ATG16L1: variants seen among roughly 807,000 people sequenced by gnomAD.
ATG16L1 encodes the protein autophagy-related protein 16-1.
Under a neutral mutation model 88.5 loss-of-function variants are expected in ATG16L1, and 37 were observed. The ratio of observed to expected loss-of-function variants is 0.42; its 90% CI spans 0.32 to 0.55. The LOEUF (loss-of-function observed/expected upper bound fraction) is 0.55. Among genes scored for constraint, ATG16L1 ranks in the 20% least tolerant of loss-of-function variants. ATG16L1 has a pLI of 0.13. For missense variants in ATG16L1, 554 were observed against 752.8 expected (o/e 0.74, Z 3.09); for synonymous variants, 301 against 281.0 (o/e 1.07, Z -0.71).
chr2:233,277,534 T>C (rs767291331), intron 9 of ATG16L1, 34 bp from the exon 10 acceptor site: 165 of 1,594,190 alleles, frequency 1.0e-4, no homozygotes, highest in Non-Finnish European at 1.4e-4. Context: ...GGGATGAGAA[T>C]GACTGGGTTT....
chr2:233,282,500 T>C (rs58148686), intron 11 of ATG16L1, among the ~76,000 whole-genome samples, 182 bp from the exon 12 acceptor site: 4,073 of 152,086 alleles, frequency 0.027, 188 homozygotes, highest in African/African-American at 0.092. Flanking sequence ...AAAAAAAAGG[T>C]CTGAACTCGA....
At chr2:233,290,435 C>A in intron 14 of ATG16L1, 82 bp downstream of exon 14, 2 of 1,123,238 alleles carry the variant, frequency 1.8e-6, no homozygotes, top group South Asian at 1.3e-5. Context: ...CTTTTAAGAT[C>A]TCAGGACATG....
intron 10 of ATG16L1, 58 bp downstream of exon 10, chr2:233,277,731 G>A (rs1279507685): frequency 2.1e-6 from 3 of 1,454,308 alleles, no homozygotes; most frequent in Middle Eastern, 2.0e-4. Flanking sequence ...CCCTTGCACT[G>A]CAGAAAGAAG....
chr2:233,277,474 T>C, intron 9 of ATG16L1, 94 bp from the exon 10 acceptor site: 1 of 1,130,422 alleles, frequency 8.8e-7, no homozygotes, highest in Non-Finnish European at 1.3e-6. Flanking sequence ...TAAGGATGAG[T>C]GTTTCCCCAT....
chr2:233,262,931 T>C (rs1237336545), intron 2 of ATG16L1, among the ~76,000 whole-genome samples, 199 bp from the exon 3 acceptor site: 1 of 152,194 alleles, frequency 6.6e-6, no homozygotes, highest in East Asian at 1.9e-4. Flanking sequence ...CTTTGCTTTT[T>C]TCCATGTGTT....
rs368954047 is a variant in ATG16L1, at chr2:233,254,449, C to T, written c.116-1653C>T. On this transcript the variant is annotated intron_variant, in intron 1 of 17. Coordinates refer to ENST00000392017, the MANE Select transcript of ATG16L1 (RefSeq NM_030803.7). ...CTTCCCAGGCCAGTCAAGCTCTGAC[C>T]CTCCATCAGCCTGGAGTCTATTCTC... Among the ~76,000 whole-genome samples the T allele has an allele frequency of 5.2e-4, 79 of 152,294 alleles. 2 individuals are homozygous for T. In the South Asian group the frequency reaches 0.016, roughly 30 times the overall value.
At position 233,290,287 on chromosome 2, in the gene ATG16L1, T is replaced by C; in HGVS notation, c.1364T>C (p.Ile455Thr). The C allele has an allele frequency of 6.8e-6, 11 of 1,614,204 alleles. No homozygotes were observed. The highest frequency in any genetic ancestry group is 9.3e-6 in the Non-Finnish European group (11 of 1,180,030). The change falls in exon 14 of 18, where the codon ATT (isoleucine) becomes ACT (threonine). Residue 455 changes from isoleucine (I) to threonine (T), a missense_variant. By Grantham distance (89) the Ile-to-Thr change is moderately conservative. This residue lies in a region of ATG16L1 where 370 missense variants were observed against 509.7 expected (regional missense o/e 0.73). Transcript: ENST00000392017. ...TVFAGSSCND[I>T]VCTEQCVMSG... ...TTTGCAGGATCCAGTTGCAATGATATTGTCTGCACAGAGCAATGTGTAATG... is the reference window on the plus strand; with the variant it reads ...TTTGCAGGATCCAGTTGCAATGATACTGTCTGCACAGAGCAATGTGTAATG...
chr2:233,282,530 G>A, intron 11 of ATG16L1, 152 bp from the exon 12 acceptor site: 1 of 656,824 alleles, frequency 1.5e-6, no homozygotes, highest in Non-Finnish European at 2.7e-6. Context: ...GCGAGTTGAA[G>A]CACACTCACG....
Position 233,289,840 on chromosome 2 carries a change from G to A in ATG16L1, c.1204-14G>A, listed in dbSNP as rs916945154. Reference sequence around the variant, plus strand: ...GCGCCCTGAGGCTCACCCTGGCTGTGTTCTCTCTCCTAGCACACACTCACG... The same window carrying A: ...GCGCCCTGAGGCTCACCCTGGCTGTATTCTCTCTCCTAGCACACACTCACG... On this transcript the variant is annotated splice_polypyrimidine_tract_variant and intron_variant, in intron 12 of 17. Coordinates refer to ENST00000392017, the MANE Select transcript of ATG16L1 (RefSeq NM_030803.7). 3 of 1,611,330 alleles carry A rather than the reference G, an allele frequency of 1.9e-6. No homozygotes were observed. The highest frequency in any genetic ancestry group is 2.7e-5 in the African/African-American group (2 of 74,886).
rs111819481 is a variant in ATG16L1 at position 233,274,510 on chromosome 2, T to A, written c.852-166T>A. On this transcript the variant is annotated intron_variant, in intron 8 of 17. Coordinates refer to ENST00000392017, the MANE Select transcript of ATG16L1 (RefSeq NM_030803.7). ...TCTTTCTCATTTGAGTGAGGGTGCT[T>A]TTGATTTTTTTGTGAATTGTTCTGT... 629 of 531,694 alleles carry A rather than the reference T, an allele frequency of 1.2e-3. 1 individual carries two copies. The highest frequency in any genetic ancestry group is 1.1e-3 in the Non-Finnish European group (326 of 299,302). 32.9% of individuals were successfully genotyped at this position (531,694 alleles called of 1,614,324 possible). A position where few individuals can be genotyped will look rare whatever the true frequency, so the allele number is the denominator to read the frequency against.
chr2:233,268,518 T>C (rs967953348), intron 5 of ATG16L1, among the ~76,000 whole-genome samples: 26 of 152,298 alleles, frequency 1.7e-4, no homozygotes, highest in African/African-American at 6.3e-4. Flanking sequence ...AGGTGGTGTT[T>C]TCCTCTCCCT....
intron 9 of ATG16L1, chr2:233,275,898 C>T (rs774995875): frequency 4.6e-5 from 24 of 518,990 alleles, no homozygotes; most frequent in South Asian, 1.8e-4. Context: ...TGAGAGTGAT[C>T]GGCTCACAGC....
chr2:233,265,242 T>G, intron 5 of ATG16L1, 99 bp downstream of exon 5: 1 of 1,432,790 alleles, frequency 7.0e-7, no homozygotes, highest in Non-Finnish European at 9.5e-7. Context: ...CTACAGGAGG[T>G]TTACCAGGGA....
At chr2:233,288,875 A>G (rs909318851) in intron 12 of ATG16L1, 15 of 519,220 alleles carry the variant, frequency 2.9e-5, no homozygotes, top group Admixed American at 2.7e-4. Context: ...GCTTAGTCAC[A>G]AAGGGATTTG....
Position 233,270,006 on chromosome 2 carries a change from C to A in ATG16L1, c.646C>A (p.Arg216=). ...TTTTTTTTTTTTTCCCAACAGGAGG[C>A]GGCAAGCCCGGCTGCAGAAAGAGCT... ...NAENEKDSRR[R]QARLQKELAE... Residue 216 remains arginine (R), a synonymous_variant, in exon 6 of 18, where the codon CGG becomes AGG. Coordinates refer to ENST00000392017, the MANE Select transcript of ATG16L1 (RefSeq NM_030803.7). 1 of 1,559,650 alleles carries A rather than the reference C, an allele frequency of 6.4e-7. No individual in the cohort carries two copies.
intron 6 of ATG16L1, among the ~76,000 whole-genome samples, chr2:233,270,363 C>T (rs1697912104): frequency 6.6e-6 from 1 of 152,210 alleles, no homozygotes; most frequent in Non-Finnish European, 1.5e-5. Context: ...TCTAATTTCT[C>T]ACAAATCATG....
intron 10 of ATG16L1, 66 bp downstream of exon 10, chr2:233,277,739 A>C (rs945723568): frequency 3.5e-6 from 5 of 1,417,514 alleles, no homozygotes; most frequent in Non-Finnish European, 5.0e-6. Flanking sequence ...CTGCAGAAAG[A>C]AGCTGTGTTG....
intron 14 of ATG16L1, among the ~76,000 whole-genome samples, chr2:233,290,755 C>T (rs11890449): frequency 0.058 from 8,795 of 152,162 alleles, 309 homozygotes; most frequent in South Asian, 0.14. Flanking sequence ...AGGATTCACA[C>T]GGCAGGAAAG....
At chr2:233,273,283 G>T in intron 7 of ATG16L1, 1 of 540,266 alleles carries the variant, frequency 1.9e-6, no homozygotes, top group Non-Finnish European at 3.3e-6. Flanking sequence ...ACAAAAAAAT[G>T]TAGTGGCTTA....
Sources: allele counts gnomAD v4.1 joint callset (sites outside exome capture counted in the v4.1 genomes callset), GRCh38; gene constraint gnomAD v4.1.1; regional missense constraint gnomAD v4.1.1; transcripts MANE v1.5; gene names NCBI Gene and HGNC (gene_info 2026-07-23, HGNC 2026-07-21).